The following CALD1 variants were observed in gnomAD, a reference collection of about 807,000 sequenced individuals.
CALD1 encodes caldesmon 1, also known as caldesmon.
In CALD1, 33 loss-of-function variants were observed where a neutral mutation model predicts 99.9. That is an observed-to-expected ratio of 0.33 (90% CI 0.25 to 0.44). The LOEUF is 0.44. Ranked by LOEUF, CALD1 falls within the 20% of genes least tolerant of loss-of-function variation. The pLI is 1.00. For synonymous variants in CALD1, 310 were observed against 325.0 expected (o/e 0.95, Z 0.50); for missense variants, 861 against 962.1 (o/e 0.89, Z 1.39).
chr7:134,895,106 T>C (rs911627257), intron 3 of CALD1, among the ~76,000 whole-genome samples: 7 of 149,366 alleles, frequency 4.7e-5, no homozygotes, highest in African/African-American at 1.7e-4. Context: ...AATAAATAAA[T>C]AAATAAATAA....
At chr7:134,872,357 C>CAAAA (rs35569742) in intron 3 of CALD1, among the ~76,000 whole-genome samples, 11 of 100,426 alleles carry the variant, frequency 1.1e-4, no homozygotes, top group African/African-American at 2.2e-4. Flanking sequence ...GACTCGGTCT[C>CAAAA]AAAAAAAAAA....
chr7:134,814,361 T>A (rs940372623), intron 1 of CALD1, among the ~76,000 whole-genome samples: 12 of 152,088 alleles, frequency 7.9e-5, no homozygotes, highest in African/African-American at 2.7e-4. Context: ...GAGCAGGAGA[T>A]GCATAGAGCC....
At chr7:134,879,403 T>C (rs1801494491) in intron 3 of CALD1, among the ~76,000 whole-genome samples, 1 of 152,246 alleles carries the variant, frequency 6.6e-6, no homozygotes, top group African/African-American at 2.4e-5. Flanking sequence ...TTTTAGCCTA[T>C]CCTAAACCTG....
chr7:134,916,013 A>T (rs1277109503), intron 3 of CALD1, among the ~76,000 whole-genome samples: 3 of 152,210 alleles, frequency 2.0e-5, no homozygotes, highest in African/African-American at 7.2e-5. Context: ...GTCCCCTGCA[A>T]GAATAAATAT....
intron 2 of CALD1, chr7:134,867,160 G>A (rs963225282): frequency 6.6e-6 from 1 of 152,218 alleles, no homozygotes; most frequent in Non-Finnish European, 1.5e-5. Flanking sequence ...GTTTATTCAT[G>A]ATGTTACTGC....
intron 1 of CALD1, among the ~76,000 whole-genome samples, chr7:134,794,832 A>AT (rs555261697): frequency 1.6e-3 from 237 of 152,204 alleles, no homozygotes; most frequent in African/African-American, 5.4e-3. Context: ...TAGAATAAAT[A>AT]TTTTTTTCAG....
intron 3 of CALD1, among the ~76,000 whole-genome samples, chr7:134,922,624 G>C (rs1020337983): frequency 2.0e-5 from 3 of 152,336 alleles, no homozygotes; most frequent in South Asian, 4.1e-4. Flanking sequence ...TGGGGCAAGA[G>C]GAAAACTCGT....
chr7:134,869,243 A>C (rs148328311), intron 3 of CALD1, among the ~76,000 whole-genome samples: 1 of 152,328 alleles, frequency 6.6e-6, no homozygotes, highest in African/African-American at 2.4e-5. Flanking sequence ...GCAAAAGTGC[A>C]GAAGTGGAAA....
intron 1 of CALD1, among the ~76,000 whole-genome samples, chr7:134,837,680 C>G (rs1281351522): frequency 6.6e-6 from 1 of 152,098 alleles, no homozygotes; most frequent in Non-Finnish European, 1.5e-5. Flanking sequence ...ATGATATATG[C>G]CAGAGAACAT....
chr7:134,906,721 T>C (rs1309729064), intron 3 of CALD1, among the ~76,000 whole-genome samples: 1 of 152,194 alleles, frequency 6.6e-6, no homozygotes, highest in African/African-American at 2.4e-5. Flanking sequence ...AGCAGTAAAA[T>C]TGAGCAGGTT....
chr7:134,908,988 C>T (rs1018533413), intron 3 of CALD1, among the ~76,000 whole-genome samples: 32 of 152,242 alleles, frequency 2.1e-4, no homozygotes, highest in Middle Eastern at 3.4e-3. Context: ...GTGAAGTACT[C>T]TGCCAGGTAG....
intron 9 of CALD1, 35 bp downstream of exon 9, chr7:134,950,549 T>C (rs1295070367): frequency 1.3e-6 from 2 of 1,563,786 alleles, no homozygotes; most frequent in Admixed American, 1.7e-5. Context: ...TATTAGAATA[T>C]GATAGAGACT....
rs1249554375 is a variant in CALD1 at position 134,969,614 on chromosome 7, G to A, written c.*1269G>A. On this transcript the variant is annotated 3_prime_UTR_variant, in exon 15 of 15. Coordinates refer to ENST00000361675, the MANE Select transcript of CALD1 (RefSeq NM_033138.4). ...TACTTTGATCTTTATATACTCTGAA[G>A]CATTTCTTCAAACTTTTCTACTTTT... 6.8e-6 allele frequency: 1 copy of A among 148,064 alleles called. No homozygotes were observed. The highest frequency in any genetic ancestry group is 1.5e-5 in the Non-Finnish European group (1 of 66,254). The allele number at this position is 148,064 out of a possible 1,614,324, so 9.2% of individuals were successfully genotyped here.
chr7:134,964,653 AG>A (rs1438692420), intron 13 of CALD1, among the ~76,000 whole-genome samples: 2 of 152,152 alleles, frequency 1.3e-5, no homozygotes, highest in Admixed American at 1.3e-4. Flanking sequence ...TAAAGTAGTA[AG>A]GGCTGGGGGG....
intron 2 of CALD1, among the ~76,000 whole-genome samples, chr7:134,856,110 G>A (rs1297518595): frequency 6.6e-6 from 1 of 152,176 alleles, no homozygotes; most frequent in Non-Finnish European, 1.5e-5. Flanking sequence ...GCCATTTCAA[G>A]CTGGTTGTCA....
chr7:134,776,244 C>T (rs1796917897), upstream of CALD1, among the ~76,000 whole-genome samples: 1 of 152,094 alleles, frequency 6.6e-6, no homozygotes, highest in Non-Finnish European at 1.5e-5. Flanking sequence ...TATCATTAAG[C>T]ATGACGTTTG....
chr7:134,799,906 A>G (rs559191351), intron 1 of CALD1, among the ~76,000 whole-genome samples: 13 of 152,316 alleles, frequency 8.5e-5, no homozygotes, highest in African/African-American at 3.1e-4. Flanking sequence ...AAATATTTTT[A>G]AAGTCTCTCA....
At chr7:134,929,076 T>A (rs1202577822) in intron 4 of CALD1, among the ~76,000 whole-genome samples, 176 bp downstream of exon 4, 2 of 152,198 alleles carry the variant, frequency 1.3e-5, no homozygotes, top group African/African-American at 2.4e-5. Context: ...GGCAATCTGA[T>A]TTAGACACTA....
chr7:134,872,318 A>G (rs1211975431), intron 3 of CALD1, among the ~76,000 whole-genome samples: 2 of 144,832 alleles, frequency 1.4e-5, no homozygotes, highest in African/African-American at 2.6e-5. Context: ...AGATTACGCC[A>G]CTGCACCCCA....
Sources: gnomAD v4.1 joint callset for allele counts (sites outside exome capture counted in the v4.1 genomes callset) on GRCh38, gnomAD v4.1.1 for gene constraint, MANE v1.5 for transcripts, NCBI Gene and HGNC (gene_info 2026-07-23, HGNC 2026-07-21) for gene names.